CCDC88C: variants seen among roughly 807,000 people sequenced by gnomAD.
CCDC88C encodes the protein coiled-coil and HOOK domain protein 88C.
CCDC88C carries 131 observed loss-of-function variants against 198.8 expected under a neutral mutation model. That is an observed-to-expected ratio of 0.66 (90% CI 0.57 to 0.76). CCDC88C has a LOEUF of 0.76. Among genes scored for constraint, CCDC88C ranks in the 30% least tolerant of loss-of-function variants. The probability of loss-of-function intolerance (pLI) is 0.00; values close to 1 mark genes in which losing one functional copy is unlikely to be tolerated. For missense variants in CCDC88C, 2,553 were observed against 2,631.6 expected, an observed-to-expected ratio of 0.97 and a Z score of 0.65; for synonymous variants, 1,166 against 1,114.7, an observed-to-expected ratio of 1.05 and a Z score of -0.92.
Position 91,273,098 on chromosome 14 carries a change from G to C in CCDC88C, c.5614C>G (p.Gln1872Glu). The C allele has an allele frequency of 6.4e-7, 1 of 1,564,952 alleles. No homozygotes were observed. The highest frequency in any genetic ancestry group is 8.7e-7 in the Non-Finnish European group (1 of 1,154,818). ...GGCCGGCTGCGGGGACCTGGGCCCT[G>C]ACAGGAGCTGCCAGCCTTTCCCACA... is the stretch of plus-strand genomic sequence containing the variant. ...PLVGKAGSSC[Q>E]GPGPRSRPLD... Residue 1872 changes from glutamine (Q) to glutamate (E), a missense_variant, in exon 30 of 30, where the codon CAG becomes GAG. This residue lies in a region of CCDC88C where 1,293 missense variants were observed against 1,219.6 expected (regional missense o/e 1.06). Transcript: ENST00000389857. The surrounding 1 kb of genome is among the most constrained non-coding windows in gnomAD (Gnocchi z 5.6).
chr14:91,359,809 C>T, intron 3 of CCDC88C, 98 bp from the exon 4 acceptor site: 2 of 1,054,574 alleles, frequency 1.9e-6, no homozygotes, highest in Non-Finnish European at 2.9e-6. Context: ...CGGACGGGTG[C>T]ACAGCCATCC....
Position 91,339,264 on chromosome 14 carries a change from A to C in CCDC88C, c.809+14T>G. On this transcript the variant is annotated intron_variant, in intron 8 of 29. Transcript: ENST00000389857. The surrounding 1 kb of genome is among the most constrained non-coding windows in gnomAD (Gnocchi z 5.8). Reference sequence around the variant, plus strand: ...CAACACACACAAAGGTAGGAGAAGCAGCCGGGGACTCACAGCTCCTGCCTG... The same window carrying C: ...CAACACACACAAAGGTAGGAGAAGCCGCCGGGGACTCACAGCTCCTGCCTG... 1 of 1,611,824 alleles carries C rather than the reference A, an allele frequency of 6.2e-7. No homozygotes were observed. Among genetic ancestry groups the C allele is most frequent in the Non-Finnish European group, 8.5e-7 (1 of 1,179,674 alleles).
At chr14:91,401,293 A>T (rs969425007) in intron 3 of CCDC88C, among the ~76,000 whole-genome samples, 3 of 141,202 alleles carry the variant, frequency 2.1e-5, no homozygotes, top group Admixed American at 7.7e-5. Context: ...TATATACATT[A>T]TATATTATAA....
At chr14:91,397,782 C>T (rs960862563) in intron 3 of CCDC88C, among the ~76,000 whole-genome samples, 1 of 152,240 alleles carries the variant, frequency 6.6e-6, no homozygotes, top group Non-Finnish European at 1.5e-5. Flanking sequence ...GGGGGGCACA[C>T]CACACGCAGC....
rs1236307141 is a variant in CCDC88C, at chr14:91,371,203, G to A, written c.271-11492C>T. On this transcript the variant is annotated intron_variant, in intron 3 of 29. Coordinates refer to ENST00000389857, the MANE Select transcript of CCDC88C (RefSeq NM_001080414.4). This position sits in a 1 kb window ranked among gnomAD's most constrained non-coding sequence, Gnocchi z 4.2. ...ATATAAGGGCCCTGATTTTATGGCC[G>A]TGAGGGATCGTATGACTGTGACTTC... Among the ~76,000 whole-genome samples, 4 of 152,156 alleles carry A rather than the reference G, an allele frequency of 2.6e-5. No individual in the cohort carries two copies. Among genetic ancestry groups the A allele is most frequent in the Non-Finnish European group, 4.4e-5 (3 of 67,990 alleles).
chr14:91,321,017 T>C (rs937016554), intron 13 of CCDC88C, 103 bp downstream of exon 13: 3 of 1,119,580 alleles, frequency 2.7e-6, no homozygotes, highest in African/African-American at 1.6e-5. Flanking sequence ...CTGCATGCTC[T>C]ACCTGGCCCC....
Position 91,313,210 on chromosome 14 carries a change from CTCTCCT to C in CCDC88C, c.2600_2605del (p.Lys867_Glu868del). The stretch of plus-strand genomic sequence containing the variant: ...GGCCAGCTCCTTGTCCAGCGCGCGG[CTCTCCT>C]TCTCAACGGCGGACAGTTTGGCAGT... On this transcript the variant is annotated inframe_deletion, in exon 15 of 30. Transcript: ENST00000389857. The surrounding 1 kb of genome is among the most constrained non-coding windows in gnomAD (Gnocchi z 5.2). The C allele has an allele frequency of 6.2e-7, 1 of 1,613,924 alleles. No individual in the cohort carries two copies.
intron 4 of CCDC88C, among the ~76,000 whole-genome samples, chr14:91,357,327 C>CT (rs762124763): frequency 1.4e-4 from 22 of 152,248 alleles, no homozygotes; most frequent in Non-Finnish European, 2.9e-4. Context: ...TCACAGCTTA[C>CT]TGCAGCCTCG....
intron 4 of CCDC88C, among the ~76,000 whole-genome samples, chr14:91,353,262 C>T (rs999055942): frequency 6.6e-6 from 1 of 152,178 alleles, no homozygotes; most frequent in African/African-American, 2.4e-5. Flanking sequence ...AACACCTTTC[C>T]TCGCTTTCTC....
rs763685931 is a variant in CCDC88C at position 91,325,980 on chromosome 14, C to T, written c.1127G>A (p.Arg376Gln). Reference sequence around the variant, plus strand: ...TTCCAGCTCATGGACTTTATCGCCCCGGGCCCGAGCAGCAGTCAGCTGTTC... The same window carrying T: ...TTCCAGCTCATGGACTTTATCGCCCTGGGCCCGAGCAGCAGTCAGCTGTTC... ...LEEQLTAARA[R>Q]GDKVHELEKE... Residue 376 changes from arginine (R) to glutamine (Q), a missense_variant, in exon 11 of 30, where the codon CGG (arginine) becomes CAG (glutamine). Coordinates refer to ENST00000389857, the MANE Select transcript of CCDC88C (RefSeq NM_001080414.4). The surrounding 1 kb of genome is among the most constrained non-coding windows in gnomAD (Gnocchi z 4.1). The T allele has an allele frequency of 5.4e-5, 85 of 1,588,290 alleles. No homozygotes were observed. The highest frequency in any genetic ancestry group is 1.7e-4 in the Middle Eastern group (1 of 6,056).
rs61220159 is a variant in CCDC88C, at chr14:91,339,460, C to T, written c.627G>A (p.Leu209=). Residue 209 remains leucine, a splice_region_variant and synonymous_variant, in exon 8 of 30, where the codon CTG becomes CTA. Coordinates refer to ENST00000389857, the MANE Select transcript of CCDC88C (RefSeq NM_001080414.4). This position sits in a 1 kb window ranked among gnomAD's most constrained non-coding sequence, Gnocchi z 5.8. ...LIDQRDECTE[L]IVDLTQERDY... is the part of the protein sequence containing the mutation. ...CCCGTTCCTGAGTGAGGTCCACGAT[C>T]AGCTGCAGCCGGGCAGAGAGGGGGA... is the stretch of plus-strand genomic sequence containing the variant. The T allele has an allele frequency of 6.0e-3, 9,692 of 1,602,166 alleles. 512 individuals are homozygous for T. In the African/African-American group the frequency reaches 0.11, roughly 19 times the overall value.
intron 4 of CCDC88C, among the ~76,000 whole-genome samples, chr14:91,351,563 C>T (rs969730646): frequency 2.6e-5 from 4 of 152,208 alleles, no homozygotes; most frequent in African/African-American, 9.7e-5. Flanking sequence ...AGGAGGCAGG[C>T]ACCTCTACGC....
intron 3 of CCDC88C, among the ~76,000 whole-genome samples, chr14:91,365,279 G>A (rs1894483713): frequency 6.6e-6 from 1 of 151,988 alleles, no homozygotes; most frequent in Non-Finnish European, 1.5e-5. Context: ...GTGGCAGGCA[G>A]GTGTCTGGAG....
intron 4 of CCDC88C, among the ~76,000 whole-genome samples, chr14:91,349,966 C>G (rs779861230): frequency 2.6e-5 from 4 of 152,192 alleles, no homozygotes; most frequent in Non-Finnish European, 5.9e-5. Context: ...ATTAGTCAAT[C>G]ACAGCACTTT....
At chr14:91,355,503 C>T (rs1423847901) in intron 4 of CCDC88C, among the ~76,000 whole-genome samples, 1 of 152,110 alleles carries the variant, frequency 6.6e-6, no homozygotes, top group African/African-American at 2.4e-5. Context: ...TCCCCGGGGG[C>T]GTGGGTGCAG....
rs574683250 is a variant in CCDC88C at position 91,319,066 on chromosome 14, G to A, written c.1527+2054C>T. Among the ~76,000 whole-genome samples the A allele has an allele frequency of 5.3e-5, 8 of 152,334 alleles. No homozygotes were observed. The East Asian group carries it at 1.2e-3, about 22-fold the overall frequency. On this transcript the variant is annotated intron_variant, in intron 13 of 29. Coordinates refer to ENST00000389857, the MANE Select transcript of CCDC88C (RefSeq NM_001080414.4). ...TTCAGGATGAGCTGAGCTGGCTGAG[G>A]GTTGCCCATCCTGCATGGCAGTCAG...
intron 4 of CCDC88C, among the ~76,000 whole-genome samples, chr14:91,348,723 T>G (rs1425477504): frequency 6.6e-6 from 1 of 152,164 alleles, no homozygotes; most frequent in Non-Finnish European, 1.5e-5. Context: ...GGAAAAAGGC[T>G]TTAAAGGTAG....
Position 91,381,848 on chromosome 14 carries a change from G to A in CCDC88C, c.271-22137C>T, listed in dbSNP as rs1284656537. On this transcript the variant is annotated intron_variant, in intron 3 of 29. Coordinates refer to ENST00000389857, the MANE Select transcript of CCDC88C (RefSeq NM_001080414.4). The surrounding 1 kb of genome is among the most constrained non-coding windows in gnomAD (Gnocchi z 4.2). ...CGAAAAACAAAAACAACAAAAAACC[G>A]GCCCTTTCTTGCGAGACTCAGCTCA... Among the ~76,000 whole-genome samples the A allele has an allele frequency of 2.7e-5, 4 of 149,072 alleles. No individual in the cohort carries two copies. Among genetic ancestry groups the A allele is most frequent in the Admixed American group, 6.7e-5 (1 of 14,968 alleles).
chr14:91,273,379 G>A lies in CCDC88C; in HGVS notation c.5333C>T (p.Ser1778Phe). ...PRQAQPPQSL[S>F]LGRPRQAPVP... ...CGGAGCCTGCCGGGGTCTGCCCAGA[G>A]ACAGGCTCTGGGGAGGCTGGGCCTG... Residue 1778 changes from serine (S) to phenylalanine (F), a missense_variant, in exon 30 of 30, where the codon TCT becomes TTT. Ser to Phe is a radical substitution (Grantham distance 155). Transcript: ENST00000389857. The surrounding 1 kb of genome is among the most constrained non-coding windows in gnomAD (Gnocchi z 5.6). The A allele has an allele frequency of 2.0e-6, 3 of 1,533,530 alleles. No individual in the cohort carries two copies. Among genetic ancestry groups the A allele is most frequent in the Non-Finnish European group, 2.6e-6 (3 of 1,139,736 alleles). The allele number at this position is 1,533,530 out of a possible 1,614,324, so 95.0% of individuals were successfully genotyped here.
Sources: gnomAD v4.1 joint callset for allele counts (sites outside exome capture counted in the v4.1 genomes callset) on GRCh38, gnomAD v4.1.1 for gene constraint, gnomAD v4.1.1 regional missense constraint, Gnocchi (gnomAD v3.1) non-coding constraint, MANE v1.5 for transcripts, NCBI Gene and HGNC (gene_info 2026-07-23, HGNC 2026-07-21) for gene names.